PUS7: variants seen among roughly 807,000 people sequenced by gnomAD.
PUS7 encodes the protein pseudouridylate synthase 7 homolog.
In PUS7, 48 loss-of-function variants were observed where a neutral mutation model predicts 79.8. The observed-to-expected ratio is 0.60, with a 90% CI of 0.48 to 0.76. The LOEUF is 0.76. Ranked by LOEUF, PUS7 falls within the 30% of genes least tolerant of loss-of-function variation. The pLI, the probability that PUS7 is intolerant of heterozygous loss-of-function variation, is 0.00. For missense variants in PUS7, 729 were observed against 797.6 expected (o/e 0.91, Z 1.04); for synonymous variants, 286 against 272.2 (o/e 1.05, Z -0.50).
At chr7:105,468,242 T>C (rs1262049245) in intron 12 of PUS7, 95 bp downstream of exon 12, 2 of 1,499,684 alleles carry the variant, frequency 1.3e-6, no homozygotes, top group African/African-American at 2.8e-5. Context: ...CACATCTCTC[T>C]TTCTTAATTA....
In PUS7 at chr7:105,475,460, C is replaced by T. The variant is rs911534672; in HGVS notation, c.1176-3267G>A. On this transcript the variant is annotated intron_variant, in intron 9 of 15. Coordinates refer to ENST00000469408, the MANE Select transcript of PUS7 (RefSeq NM_019042.5). Reference sequence around the variant, plus strand: ...TTGGCCTCCTGGAGTGCTGGGATTACAGGCGTCAGCCACCGTGCCAGGCCA... The same window carrying T: ...TTGGCCTCCTGGAGTGCTGGGATTATAGGCGTCAGCCACCGTGCCAGGCCA... Among the ~76,000 whole-genome samples, 6 of 152,060 alleles carry T rather than the reference C, an allele frequency of 3.9e-5. No homozygotes were observed. The East Asian group carries it at 9.7e-4, about 24-fold the overall frequency.
intron 7 of PUS7, among the ~76,000 whole-genome samples, chr7:105,490,432 T>C (rs1481249540): frequency 6.6e-6 from 1 of 152,152 alleles, no homozygotes; most frequent in East Asian, 1.9e-4. Context: ...CTCTTTTACC[T>C]TCACTGTGAC....
intron 6 of PUS7, among the ~76,000 whole-genome samples, 167 bp downstream of exon 6, chr7:105,494,973 TAA>T (rs1200372702): frequency 1.5e-4 from 13 of 85,874 alleles, no homozygotes; most frequent in Admixed American, 1.3e-4. Flanking sequence ...TGAGACTGTC[TAA>T]AAAAAAAAAA....
chr7:105,502,980 G>A (rs1438607097), intron 4 of PUS7, among the ~76,000 whole-genome samples: 4 of 152,148 alleles, frequency 2.6e-5, no homozygotes, highest in Admixed American at 1.3e-4. Context: ...GATTACAGGC[G>A]TGAGCCACCG....
intron 1 of PUS7, among the ~76,000 whole-genome samples, chr7:105,513,138 T>G (rs1391012166): frequency 1.3e-5 from 2 of 152,172 alleles, no homozygotes; most frequent in African/African-American, 4.8e-5. Context: ...CATCACATTG[T>G]GTCACACATG....
At chr7:105,465,201 T>G in intron 13 of PUS7, 112 bp downstream of exon 13, 1 of 606,870 alleles carries the variant, frequency 1.6e-6, no homozygotes, top group Non-Finnish European at 2.8e-6. Flanking sequence ...TCCATGTGAA[T>G]GCATCCCTTT....
At chr7:105,496,808 GTTC>G (rs773954451) in intron 5 of PUS7, 106 of 279,566 alleles carry the variant, frequency 3.8e-4, no homozygotes, top group Middle Eastern at 1.7e-3. Context: ...TTCCTCACAA[GTTC>G]TTCAGAAAAC....
At chr7:105,518,235 C>T (rs1454556705) in intron 1 of PUS7, among the ~76,000 whole-genome samples, 2 of 151,974 alleles carry the variant, frequency 1.3e-5, no homozygotes, top group Admixed American at 1.3e-4. Flanking sequence ...ATCCACTGCG[C>T]CCAGGACGTT....
chr7:105,475,340 C>T (rs552137808), intron 9 of PUS7, among the ~76,000 whole-genome samples: 214 of 152,210 alleles, frequency 1.4e-3, no homozygotes, highest in Admixed American at 5.8e-3. Context: ...CGCGCGCCAC[C>T]ACGCCTGGCT....
chr7:105,507,237 G>T (rs1429248393), intron 2 of PUS7, among the ~76,000 whole-genome samples: 2 of 151,874 alleles, frequency 1.3e-5, no homozygotes, highest in Non-Finnish European at 2.9e-5. Context: ...GTAGAGACAG[G>T]GTTTCGCCAT....
intron 9 of PUS7, among the ~76,000 whole-genome samples, chr7:105,473,729 T>C (rs867552535): frequency 7.2e-5 from 11 of 152,158 alleles, no homozygotes; most frequent in African/African-American, 2.7e-4. Flanking sequence ...AATTTTTGTA[T>C]TTTTAGTAGA....
intron 2 of PUS7, among the ~76,000 whole-genome samples, chr7:105,506,579 C>T (rs913657552): frequency 2.0e-5 from 3 of 151,940 alleles, no homozygotes; most frequent in Non-Finnish European, 4.4e-5. Context: ...CGTGCCACCA[C>T]GCCCAGCTAA....
At chr7:105,516,518 A>G (rs1378326983) in intron 1 of PUS7, among the ~76,000 whole-genome samples, 1 of 151,328 alleles carries the variant, frequency 6.6e-6, no homozygotes, top group East Asian at 1.9e-4. Context: ...ATCTTGGCTG[A>G]TCTCGGCTCA....
chr7:105,493,502 A>G (rs1012294254), intron 6 of PUS7, among the ~76,000 whole-genome samples: 5 of 152,218 alleles, frequency 3.3e-5, no homozygotes, highest in Non-Finnish European at 7.3e-5. Flanking sequence ...ATGTTACTTA[A>G]TTGGGTACTG....
At chr7:105,462,492 C>CCA in intron 14 of PUS7, 129 bp downstream of exon 14, 1 of 971,632 alleles carries the variant, frequency 1.0e-6, no homozygotes, top group South Asian at 1.6e-5. Flanking sequence ...TCTTATGATA[C>CCA]CACCATCATA....
intron 9 of PUS7, among the ~76,000 whole-genome samples, chr7:105,478,912 T>C (rs1275275636): frequency 6.6e-6 from 1 of 152,248 alleles, no homozygotes; most frequent in Admixed American, 6.5e-5. Context: ...TAATTACTTA[T>C]ATTTATTTAC....
chr7:105,516,960 G>T (rs9690176), intron 1 of PUS7, among the ~76,000 whole-genome samples: 3,007 of 152,090 alleles, frequency 0.02, 50 homozygotes, highest in Middle Eastern at 0.041. Flanking sequence ...ATGTGAAAAG[G>T]GGGGAGAGGG....
intron 7 of PUS7, among the ~76,000 whole-genome samples, chr7:105,490,728 T>C (rs372717960): frequency 9.2e-5 from 14 of 152,344 alleles, no homozygotes; most frequent in African/African-American, 3.1e-4. Context: ...CCTGCTTTTT[T>C]GGTTTGGAAA....
chr7:105,501,810 C>T (rs920534338), intron 5 of PUS7, among the ~76,000 whole-genome samples: 46 of 151,848 alleles, frequency 3.0e-4, no homozygotes, highest in Admixed American at 2.3e-3. Context: ...AAACAATTAG[C>T]CAGGCGTGGT....
Sources: gnomAD v4.1 joint callset for allele counts (sites outside exome capture counted in the v4.1 genomes callset) on GRCh38, gnomAD v4.1.1 for gene constraint, MANE v1.5 for transcripts, NCBI Gene and HGNC (gene_info 2026-07-23, HGNC 2026-07-21) for gene names.